The following ATAD2B variants were observed in gnomAD, a reference collection of about 807,000 sequenced individuals.
ATAD2B encodes ATPase family AAA domain-containing protein 2B.
In ATAD2B, 40 loss-of-function variants were observed where a neutral mutation model predicts 167.6. That is an observed-to-expected ratio of 0.24 (90% confidence interval 0.19 to 0.31). The LOEUF (loss-of-function observed/expected upper bound fraction) is 0.31. Ranked by LOEUF, ATAD2B falls within the 10% of genes least tolerant of loss-of-function variation. ATAD2B has a pLI of 1.00. For synonymous variants in ATAD2B, 579 were observed against 596.5 expected, an observed-to-expected ratio of 0.97 and a Z score of 0.43; for missense variants, 1,242 against 1,757.2, an observed-to-expected ratio of 0.71 and a Z score of 5.24.
At chr2:23,802,627 T>C (rs1683676182) in intron 18 of ATAD2B, among the ~76,000 whole-genome samples, 1 of 151,178 alleles carries the variant, frequency 6.6e-6, no homozygotes, top group Admixed American at 6.6e-5. Flanking sequence ...ATTTAACTTG[T>C]CTACAACTCA....
chr2:23,738,694 T>C, the ATAD2B span, among the ~76,000 whole-genome samples: 2 of 151,872 alleles, frequency 1.3e-5, no homozygotes, highest in African/African-American at 4.9e-5. Context: ...AATTCACACA[T>C]AACAATATTA....
chr2:23,741,878 CA>C, the ATAD2B span, among the ~76,000 whole-genome samples: 5 of 152,244 alleles, frequency 3.3e-5, no homozygotes, highest in South Asian at 2.1e-4. Context: ...ACAACCTCAT[CA>C]AAAAGTGGGC....
At chr2:23,763,282 C>T (rs1323378641) in intron 23 of ATAD2B, among the ~76,000 whole-genome samples, 3 of 152,226 alleles carry the variant, frequency 2.0e-5, no homozygotes, top group South Asian at 4.1e-4. Context: ...TTAATCTCTT[C>T]TAACTCCCTT....
In ATAD2B at chr2:23,770,182, G is replaced by A. The variant is rs190233578; in HGVS notation, c.3134-4554C>T. Among the ~76,000 whole-genome samples, 154 of 151,954 alleles carry A rather than the reference G, an allele frequency of 1.0e-3. 3 individuals carry two copies. In the East Asian group the frequency reaches 0.026, roughly 26 times the overall value. ...AAAAAAAAAAATAGCTGGGCATGGT[G>A]GTGTGTGCCTACAATCTCAGCTACT... On this transcript the variant is annotated intron_variant, in intron 22 of 27. Transcript: ENST00000238789.
the ATAD2B span, among the ~76,000 whole-genome samples, chr2:23,743,141 C>CAA: frequency 6.3e-5 from 8 of 127,190 alleles, no homozygotes; most frequent in Non-Finnish European, 6.7e-5. Context: ...GATGTTCGCC[C>CAA]AAAAAAAAAA....
At chr2:23,691,494 G>A in the ATAD2B span, 2 of 606,956 alleles carry the variant, frequency 3.3e-6, no homozygotes, top group Non-Finnish European at 5.9e-6. Context: ...GGCGTCTCTG[G>A]TCAGACTCTT....
intron 23 of ATAD2B, among the ~76,000 whole-genome samples, chr2:23,763,656 C>T (rs928431708): frequency 6.6e-6 from 1 of 152,208 alleles, no homozygotes; most frequent in African/African-American, 2.4e-5. Context: ...GTGGCATGAA[C>T]ATGGCTCACT....
At chr2:23,717,950 G>A in the ATAD2B span, among the ~76,000 whole-genome samples, 8 of 152,092 alleles carry the variant, frequency 5.3e-5, no homozygotes, top group East Asian at 1.3e-3. Context: ...AATAAAAAAC[G>A]AATAATGCCT....
the ATAD2B span, chr2:23,706,499 C>A: frequency 6.5e-7 from 1 of 1,530,848 alleles, no homozygotes; most frequent in Admixed American, 2.0e-5. Context: ...TGCTTGATGG[C>A]AAGATTTATG....
At chr2:23,744,503 C>G (rs777138258), downstream of ATAD2B, among the ~76,000 whole-genome samples, 9 of 152,174 alleles carry the variant, frequency 5.9e-5, no homozygotes, top group Admixed American at 2.0e-4. Context: ...ACTGAAATTT[C>G]TTGAACACTT....
Position 23,798,334 on chromosome 2 carries a change from A to G in ATAD2B, c.2455-11T>C. 2 of 1,568,562 alleles carry G rather than the reference A, an allele frequency of 1.3e-6. No homozygotes were observed. Among genetic ancestry groups the G allele is most frequent in the Non-Finnish European group, 1.7e-6 (2 of 1,151,098 alleles). On this transcript the variant is annotated splice_polypyrimidine_tract_variant and intron_variant, in intron 18 of 27. Coordinates refer to ENST00000238789, the MANE Select transcript of ATAD2B (RefSeq NM_017552.4). ...AGCTTCACGAAAAATCTAATTAAGGAAAAAAACCAACATTAAACAACTCAA... is the reference window on the plus strand; with the variant it reads ...AGCTTCACGAAAAATCTAATTAAGGGAAAAAACCAACATTAAACAACTCAA...
At chr2:23,817,197 A>T (rs1286195424) in intron 17 of ATAD2B, among the ~76,000 whole-genome samples, 1 of 152,230 alleles carries the variant, frequency 6.6e-6, no homozygotes, top group East Asian at 1.9e-4. Flanking sequence ...CTACTTATTA[A>T]GCTCAGAAAT....
At chr2:23,818,539 G>A (rs970376622) in intron 17 of ATAD2B, among the ~76,000 whole-genome samples, 1 of 152,042 alleles carries the variant, frequency 6.6e-6, no homozygotes. Flanking sequence ...AAGAAAAAAA[G>A]AGGAGATGAA....
intron 13 of ATAD2B, among the ~76,000 whole-genome samples, chr2:23,837,986 T>C (rs1690279996): frequency 6.6e-6 from 1 of 152,240 alleles, no homozygotes; most frequent in African/African-American, 2.4e-5. Flanking sequence ...GTTTTCCAAC[T>C]GCTCTCATTT....
chr2:23,818,271 G>A (rs1400091632), intron 17 of ATAD2B, among the ~76,000 whole-genome samples: 3 of 131,848 alleles, frequency 2.3e-5, no homozygotes, highest in Non-Finnish European at 5.0e-5. Flanking sequence ...GACGGAGGGA[G>A]GGAGGGAAGA....
chr2:23,874,274 C>G (rs1030706186), intron 8 of ATAD2B, among the ~76,000 whole-genome samples: 3 of 151,580 alleles, frequency 2.0e-5, no homozygotes, highest in African/African-American at 7.3e-5. Context: ...TTAAGTAAAT[C>G]AAAGACCTAA....
intron 2 of ATAD2B, among the ~76,000 whole-genome samples, chr2:23,891,198 T>G (rs1699433132): frequency 6.6e-6 from 1 of 151,980 alleles, no homozygotes; most frequent in African/African-American, 2.4e-5. Flanking sequence ...TTTTTGTATT[T>G]TAGTAGAGAC....
intron 13 of ATAD2B, among the ~76,000 whole-genome samples, chr2:23,839,359 T>A (rs1690512715): frequency 6.6e-6 from 1 of 152,140 alleles, no homozygotes. Context: ...TGTTTGAACA[T>A]TAAGTCTGTT....
chr2:23,813,064 C>T (rs1323878779), intron 17 of ATAD2B, among the ~76,000 whole-genome samples: 1 of 151,998 alleles, frequency 6.6e-6, no homozygotes, highest in African/African-American at 2.4e-5. Context: ...GCCCATTTGA[C>T]TGCAAAGCTC....
Sources: allele counts gnomAD v4.1 joint callset (sites outside exome capture counted in the v4.1 genomes callset), GRCh38; gene constraint gnomAD v4.1.1; transcripts MANE v1.5; gene names NCBI Gene and HGNC (gene_info 2026-07-23, HGNC 2026-07-21).